ADGRL2: variants seen among roughly 807,000 people sequenced by gnomAD.
The protein encoded by ADGRL2 is calcium-independent alpha-latrotoxin receptor 2.
In ADGRL2, 44 loss-of-function variants were observed where a neutral mutation model predicts 157.4. That is an observed-to-expected ratio of 0.28 (90% CI 0.22 to 0.36). The LOEUF (loss-of-function observed/expected upper bound fraction) is 0.36, where lower values mean the gene tolerates loss of function less well. Among genes scored for constraint, ADGRL2 ranks in the 10% least tolerant of loss-of-function variants. ADGRL2 has a pLI of 1.00. For missense variants in ADGRL2, 1,510 were observed against 1,768.9 expected, an observed-to-expected ratio of 0.85 and a Z score of 2.63; for synonymous variants, 585 against 624.7, an observed-to-expected ratio of 0.94 and a Z score of 0.95.
At position 81,969,366 on chromosome 1, in the gene ADGRL2, C is replaced by T. The variant is rs1409107107; in HGVS notation, c.2712C>T (p.Gly904=). 1 of 1,613,194 alleles carries T rather than the reference C, an allele frequency of 6.2e-7. No homozygotes were observed. Among genetic ancestry groups the T allele is most frequent in the South Asian group, 1.1e-5 (1 of 91,048 alleles). The stretch of plus-strand genomic sequence containing the variant: ...TTGCTGAATTTATTTTCCTAATAGG[C>T]ATTGATAAGACAAAATATGCGGTAA... ...LFIAEFIFLI[G]IDKTKYAIAC... is the part of the protein sequence containing the mutation. The change falls in exon 15 of 24, where the codon GGC becomes GGT. Residue 904 remains glycine, a synonymous_variant. Coordinates refer to ENST00000686636, the MANE Select transcript of ADGRL2 (RefSeq NM_001366006.2).
chr1:81,659,631 A>G (rs559857822), intron 3 of ADGRL2, among the ~76,000 whole-genome samples: 99 of 152,208 alleles, frequency 6.5e-4, no homozygotes, highest in Middle Eastern at 3.4e-3. Context: ...ACACTAGAAC[A>G]TTGTCATATT....
chr1:81,965,124 C>T (rs1656662879), intron 11 of ADGRL2, among the ~76,000 whole-genome samples: 1 of 152,000 alleles, frequency 6.6e-6, no homozygotes, highest in Admixed American at 6.6e-5. Context: ...ACGTGTTTTC[C>T]TTAAGTGTTT....
chr1:81,360,331 A>C (rs1321553114), intron 1 of ADGRL2, among the ~76,000 whole-genome samples: 1 of 151,900 alleles, frequency 6.6e-6, no homozygotes, highest in African/African-American at 2.4e-5. Flanking sequence ...TTCATCAAAG[A>C]GACTTTTCCC....
At chr1:81,310,761 A>G (rs1403720359) in intron 1 of ADGRL2, among the ~76,000 whole-genome samples, 2 of 151,858 alleles carry the variant, frequency 1.3e-5, no homozygotes, top group Admixed American at 6.6e-5. Context: ...TAACCCTGCC[A>G]TCATCTCTTG....
At chr1:81,571,176 T>G (rs2080680655) in intron 2 of ADGRL2, among the ~76,000 whole-genome samples, 1 of 151,496 alleles carries the variant, frequency 6.6e-6, no homozygotes, top group Non-Finnish European at 1.5e-5. Context: ...AATACAAAAA[T>G]TAGCTGGGCA....
rs192629078 is a variant in ADGRL2 at position 81,671,184 on chromosome 1, C to T, written c.-143+90204C>T. Among the ~76,000 whole-genome samples, 258 of 152,268 alleles carry T rather than the reference C, an allele frequency of 1.7e-3. 1 individual carries two copies. The highest frequency in any genetic ancestry group is 6.0e-3 in the African/African-American group (250 of 41,544). ...TAACCTTCATCTCTCCCCTGTTCCTCACCCCAGACAGTCACACTGGTCAGG... is the reference window on the plus strand; with the variant it reads ...TAACCTTCATCTCTCCCCTGTTCCTTACCCCAGACAGTCACACTGGTCAGG... On this transcript the variant is annotated intron_variant, in intron 3 of 24. Transcript: ENST00000370721.
intron 3 of ADGRL2, among the ~76,000 whole-genome samples, chr1:81,647,948 A>T (rs1025059495): frequency 2.6e-5 from 4 of 152,190 alleles, no homozygotes; most frequent in African/African-American, 9.7e-5. Context: ...GCAGCCACTG[A>T]TCTATAATTC....
rs60783998 is a variant in ADGRL2 at position 81,541,787 on chromosome 1, TAA to T, written c.-247-39074_-247-39073del. On this transcript the variant is annotated intron_variant, in intron 2 of 24. Coordinates refer to the ADGRL2 transcript ENST00000370721. ...CAACATGGAGAAACCCCGTCTCTAC[TAA>T]AAAAAAAAAAAAAACAAAATTAGCC... Among the ~76,000 whole-genome samples, 67 of 134,068 alleles carry T rather than the reference TAA, an allele frequency of 5.0e-4. 1 individual carries two copies. The highest frequency in any genetic ancestry group is 5.9e-4 in the Admixed American group (8 of 13,476). The allele number at this position is 134,068 out of a possible 152,430, so 88.0% of individuals were successfully genotyped here.
intron 3 of ADGRL2, among the ~76,000 whole-genome samples, chr1:81,627,786 A>G (rs2081938987): frequency 6.6e-6 from 1 of 152,154 alleles, no homozygotes; most frequent in Non-Finnish European, 1.5e-5. Flanking sequence ...GGACTTTGAG[A>G]GATCCTCTGA....
chr1:81,378,142 G>T (rs1351615780), intron 1 of ADGRL2, among the ~76,000 whole-genome samples: 1 of 151,400 alleles, frequency 6.6e-6, no homozygotes, highest in African/African-American at 2.4e-5. Context: ...TCGTGCCACT[G>T]CACTCCATCT....
intron 3 of ADGRL2, among the ~76,000 whole-genome samples, chr1:81,667,366 T>G (rs1388046693): frequency 6.6e-6 from 1 of 152,248 alleles, no homozygotes; most frequent in Non-Finnish European, 1.5e-5. Flanking sequence ...TCTCTCCCTT[T>G]GTACATTGGC....
intron 1 of ADGRL2, among the ~76,000 whole-genome samples, chr1:81,442,427 C>T (rs1206870139): frequency 6.6e-6 from 1 of 152,174 alleles, no homozygotes; most frequent in Non-Finnish European, 1.5e-5. Context: ...AAAATTACAT[C>T]TATTACCTAA....
intron 1 of ADGRL2, among the ~76,000 whole-genome samples, chr1:81,439,130 C>G (rs2077461898): frequency 6.6e-6 from 1 of 152,198 alleles, no homozygotes; most frequent in Admixed American, 6.5e-5. Flanking sequence ...AAAACCCCCT[C>G]TTTCATCCAT....
intron 1 of ADGRL2, among the ~76,000 whole-genome samples, chr1:81,423,177 T>C (rs1361429007): frequency 6.6e-6 from 1 of 152,238 alleles, no homozygotes; most frequent in Non-Finnish European, 1.5e-5. Flanking sequence ...GACGCAGTTT[T>C]GCTAACACGA....
rs138970048 is a variant in ADGRL2 at position 81,927,083 on chromosome 1, T to A, written c.288-9645T>A. On this transcript the variant is annotated intron_variant, in intron 3 of 23. Transcript: ENST00000686636. ...ATATTAAAGTATGCATACTTTGTGTTTATAAATTCTGGCATAATATTTTAC... is the reference window on the plus strand; with the variant it reads ...ATATTAAAGTATGCATACTTTGTGTATATAAATTCTGGCATAATATTTTAC... Among the ~76,000 whole-genome samples the A allele has an allele frequency of 5.5e-4, 83 of 152,136 alleles. 2 individuals carry two copies. The highest frequency in any genetic ancestry group is 2.0e-3 in the African/African-American group (82 of 41,566).
In ADGRL2 at chr1:81,756,479, G is replaced by A. The variant is rs2085694128; in HGVS notation, c.-142-5332G>A. ...AGGGATATCATGGTTCAGTAGAGAT[G>A]TCTTAAGTTTCATAGACAAGAGGTA... On this transcript the variant is annotated intron_variant, in intron 1 of 20. Transcript: ENST00000359929. Among the ~76,000 whole-genome samples the A allele has an allele frequency of 3.3e-5, 5 of 152,160 alleles. 1 individual carries two copies. In the South Asian group the frequency reaches 8.3e-4, roughly 25 times the overall value.
At chr1:81,973,418 T>C (rs1205506791) in intron 17 of ADGRL2, among the ~76,000 whole-genome samples, 1 of 152,208 alleles carries the variant, frequency 6.6e-6, no homozygotes, top group East Asian at 1.9e-4. Context: ...TCTAAGACCT[T>C]CGTCAAACAC....
At chr1:81,696,583 G>T (rs531097501), upstream of ADGRL2, among the ~76,000 whole-genome samples, 3 of 151,814 alleles carry the variant, frequency 2.0e-5, no homozygotes, top group South Asian at 4.2e-4. Flanking sequence ...AAACCCCGTC[G>T]CTACTAAAAA....
chr1:81,368,993 A>G (rs542545743), intron 1 of ADGRL2, among the ~76,000 whole-genome samples: 3 of 152,344 alleles, frequency 2.0e-5, no homozygotes, highest in Admixed American at 2.0e-4. Flanking sequence ...TCTTCTATAT[A>G]TTTCCATTAT....
Sources: gnomAD v4.1 joint callset for allele counts (sites outside exome capture counted in the v4.1 genomes callset) on GRCh38, gnomAD v4.1.1 for gene constraint, MANE v1.5 for transcripts, NCBI Gene and HGNC (gene_info 2026-07-23, HGNC 2026-07-21) for gene names.